The following FBN1 variants were observed in gnomAD, a reference collection of about 807,000 sequenced individuals.
The protein encoded by FBN1 is fibrillin 1, also known as fibrillin-1.
Under a neutral mutation model 365.1 loss-of-function variants are expected in FBN1, and 29 were observed. The observed-to-expected ratio is 0.08, with a 90% CI of 0.06 to 0.11. The LOEUF is 0.11. Among genes scored for constraint, FBN1 ranks in the 10% least tolerant of loss-of-function variants. The pLI, the probability that FBN1 is intolerant of heterozygous loss-of-function variation, is 1.00. For missense variants in FBN1, 2,476 were observed against 3,703.2 expected, an observed-to-expected ratio of 0.67 and a Z score of 8.60; for synonymous variants, 1,210 against 1,270.5, an observed-to-expected ratio of 0.95 and a Z score of 1.01.
At chr15:48,567,557 C>G (rs540886999) in intron 6 of FBN1, among the ~76,000 whole-genome samples, 48 of 152,104 alleles carry the variant, frequency 3.2e-4, no homozygotes, top group Non-Finnish European at 5.6e-4. Flanking sequence ...ACAGAAAAAC[C>G]CTCAACACAG....
At chr15:48,645,181 G>A (rs765735080) in intron 1 of FBN1, among the ~76,000 whole-genome samples, 247 of 152,356 alleles carry the variant, frequency 1.6e-3, no homozygotes, top group Non-Finnish European at 2.9e-3. Flanking sequence ...AGAGCGCGGC[G>A]CAAAGTACCC....
At chr15:48,577,685 C>G (rs2044359594) in intron 6 of FBN1, among the ~76,000 whole-genome samples, 1 of 152,174 alleles carries the variant, frequency 6.6e-6, no homozygotes, top group Admixed American at 6.6e-5. Context: ...GCCCCGCCTT[C>G]CCTGAAGTTT....
At chr15:48,494,838 C>G (rs942016317) in intron 22 of FBN1, among the ~76,000 whole-genome samples, 1 of 152,166 alleles carries the variant, frequency 6.6e-6, no homozygotes, top group Non-Finnish European at 1.5e-5. Context: ...ATAAAAAGCT[C>G]AGAACCCCTA....
At chr15:48,557,098 C>CAT (rs918943082) in intron 6 of FBN1, among the ~76,000 whole-genome samples, 5 of 152,082 alleles carry the variant, frequency 3.3e-5, no homozygotes, top group Non-Finnish European at 7.4e-5. Flanking sequence ...ATAGAGATGG[C>CAT]CCCTGTTTTG....
Position 48,410,748 on chromosome 15 carries a change from A to T in FBN1, c.*242T>A, listed in dbSNP as rs989782818. 2.5e-5 allele frequency: 12 copies of T among 480,278 alleles called. No individual in the cohort carries two copies. The highest frequency in any genetic ancestry group is 4.4e-5 in the Non-Finnish European group (12 of 273,552). 29.8% of individuals were successfully genotyped at this position (480,278 alleles called of 1,614,324 possible). A position where few individuals can be genotyped will look rare whatever the true frequency, so the allele number is the denominator to read the frequency against. On this transcript the variant is annotated 3_prime_UTR_variant, in exon 66 of 66. Transcript: ENST00000316623. Reference sequence around the variant, plus strand: ...AATGGAAATACACGTCCCAGTTTTCAAGAATCAACACATATGACAAGGTAG... The same window carrying T: ...AATGGAAATACACGTCCCAGTTTTCTAGAATCAACACATATGACAAGGTAG...
chr15:48,596,753 A>G (rs2044519203), intron 5 of FBN1, among the ~76,000 whole-genome samples: 1 of 152,272 alleles, frequency 6.6e-6, no homozygotes, highest in Admixed American at 6.5e-5. Context: ...GAGGGGAAAT[A>G]TCAGCCCCTC....
intron 6 of FBN1, among the ~76,000 whole-genome samples, chr15:48,563,865 T>C (rs980808220): frequency 5.3e-5 from 8 of 152,314 alleles, no homozygotes; most frequent in African/African-American, 1.7e-4. Context: ...ATTTTAAAAA[T>C]GCAGATTTTT....
intron 4 of FBN1, among the ~76,000 whole-genome samples, chr15:48,610,374 C>T (rs1050304632): frequency 6.6e-6 from 1 of 152,100 alleles, no homozygotes; most frequent in East Asian, 1.9e-4. Flanking sequence ...GGAAGCATGC[C>T]TAGATTTCTT....
intron 9 of FBN1, among the ~76,000 whole-genome samples, chr15:48,521,660 A>T (rs745316092): frequency 6.6e-6 from 1 of 152,220 alleles, no homozygotes; most frequent in Non-Finnish European, 1.5e-5. Context: ...TGGCATAGGA[A>T]AACCTAACTT....
intron 6 of FBN1, among the ~76,000 whole-genome samples, chr15:48,574,611 G>A (rs368652657): frequency 1.0e-4 from 15 of 149,646 alleles, no homozygotes; most frequent in African/African-American, 3.4e-4. Flanking sequence ...CAGGCACCAC[G>A]TACAGATAAC....
Position 48,463,918 on chromosome 15 carries a change from A to T in FBN1, c.5046T>A (p.Asn1682Lys). 1 of 1,613,600 alleles carries T rather than the reference A, an allele frequency of 6.2e-7. No individual in the cohort carries two copies. The highest frequency in any genetic ancestry group is 8.5e-7 in the Non-Finnish European group (1 of 1,179,764). The change falls in exon 41 of 66, where the codon AAT (asparagine) becomes AAA (lysine). Residue 1682 changes from asparagine (N) to lysine (K), a missense_variant. By Grantham distance (94) the Asn-to-Lys change is moderately conservative. This residue lies in a region of FBN1 where 1,780 missense variants were observed against 2,840.8 expected (regional missense o/e 0.63). Transcript: ENST00000316623. ...CICPPDYMQV[N>K]GGNNCMDMRR... ...ACTTACCCATGCAATTATTTCCCCC[A>T]TTCACTTGCATGTAGTCTGGAGGAC...
chr15:48,541,918 C>T (rs1381271348), intron 6 of FBN1, among the ~76,000 whole-genome samples: 4 of 152,136 alleles, frequency 2.6e-5, no homozygotes, highest in African/African-American at 9.7e-5. Flanking sequence ...CCTTCATGAA[C>T]TAGGGCAACA....
At chr15:48,495,977 G>A in intron 20 of FBN1, 123 bp downstream of exon 20, 1 of 1,290,688 alleles carries the variant, frequency 7.7e-7, no homozygotes, top group Non-Finnish European at 1.1e-6. Flanking sequence ...TAGAACCACA[G>A]AATTTCAACT....
At chr15:48,585,289 C>A (rs1463667644) in intron 6 of FBN1, among the ~76,000 whole-genome samples, 2 of 152,282 alleles carry the variant, frequency 1.3e-5, no homozygotes, top group East Asian at 3.9e-4. Flanking sequence ...TTAGAACATT[C>A]TTTATTTCCT....
chr15:48,537,509 T>G (rs1254621927), intron 7 of FBN1, 102 bp downstream of exon 7: 1 of 1,428,564 alleles, frequency 7.0e-7, no homozygotes, highest in East Asian at 2.3e-5. Context: ...TGTGAAGTTA[T>G]GTAGCTGACA....
intron 6 of FBN1, among the ~76,000 whole-genome samples, chr15:48,580,741 A>G (rs1162988356): frequency 6.6e-6 from 1 of 152,160 alleles, no homozygotes; most frequent in East Asian, 1.9e-4. Flanking sequence ...AATCCATGTC[A>G]CTTCAGGCTA....
chr15:48,546,868 G>A (rs11855862), intron 6 of FBN1, among the ~76,000 whole-genome samples: 25,184 of 151,986 alleles, frequency 0.17, 2,213 homozygotes, highest in East Asian at 0.35. Context: ...AAGCGTGAGG[G>A]AAACCGGAAG....
In FBN1 at chr15:48,430,705, C is replaced by T. The variant is rs140584234; in HGVS notation, c.6837G>A (p.Gly2279=). ...CTTCTCCATCAGGTCTCCGCTGATA[C>T]CCGGGTCCACAGATGCACATATATG... ...IGTYMCICGP[G]YQRRPDGEGC... The change falls in exon 56 of 66, where the codon GGG becomes GGA. Residue 2279 remains glycine (G), a synonymous_variant. Transcript: ENST00000316623. 285 of 1,613,910 alleles carry T rather than the reference C, an allele frequency of 1.8e-4. 2 individuals are homozygous for T. The African/African-American group carries it at 3.4e-3, about 19-fold the overall frequency.
chr15:48,592,203 G>A (rs1164838432), intron 6 of FBN1, among the ~76,000 whole-genome samples: 2 of 152,012 alleles, frequency 1.3e-5, no homozygotes, highest in African/African-American at 4.8e-5. Flanking sequence ...ATGCTCTCCT[G>A]GTTCTCTTGC....
Sources: gnomAD v4.1 joint callset for allele counts (sites outside exome capture counted in the v4.1 genomes callset) on GRCh38, gnomAD v4.1.1 for gene constraint, gnomAD v4.1.1 regional missense constraint, MANE v1.5 for transcripts, NCBI Gene and HGNC (gene_info 2026-07-23, HGNC 2026-07-21) for gene names.